Variants in RSU1 observed in about 807,000 individuals in gnomAD.
The protein encoded by RSU1 is rsu-1.
RSU1 carries 26 observed loss-of-function variants against 31.1 expected under a neutral mutation model. The observed-to-expected ratio is 0.84, with a 90% confidence interval of 0.61 to 1.16. The LOEUF is 1.16. RSU1 is among the 50% of genes most tolerant of loss of function. The pLI is 0.00. For synonymous variants in RSU1, 164 were observed against 136.3 expected, an observed-to-expected ratio of 1.20 and a Z score of -1.41; for missense variants, 320 against 339.1, an observed-to-expected ratio of 0.94 and a Z score of 0.44.
chr10:16,710,121 C>T (rs1835986949), intron 7 of RSU1, among the ~76,000 whole-genome samples: 1 of 152,154 alleles, frequency 6.6e-6, no homozygotes, highest in African/African-American at 2.4e-5. Flanking sequence ...AGCTTTTCCT[C>T]ATTCAGTATG....
At chr10:16,811,003 C>CA (rs11407080) in intron 2 of RSU1, among the ~76,000 whole-genome samples, 55,530 of 151,932 alleles carry the variant, frequency 0.37, 11,262 homozygotes, top group East Asian at 0.75. Context: ...GCCTGGGCAA[C>CA]AGAGTGAGAC....
chr10:16,663,779 C>G lies in RSU1; in HGVS notation c.731+31244G>C, dbSNP rs201545621. Among the ~76,000 whole-genome samples the G allele has an allele frequency of 3.9e-5, 6 of 152,330 alleles. No individual in the cohort carries two copies. The East Asian group carries it at 1.2e-3, about 29-fold the overall frequency. On this transcript the variant is annotated intron_variant, in intron 8 of 8. Coordinates refer to ENST00000345264, the MANE Select transcript of RSU1 (RefSeq NM_012425.4). ...GACGACAGTCTTTTCACTTTCACCTCAACTACAAAACTGTGGCTGAGCCAG... is the reference window on the plus strand; with the variant it reads ...GACGACAGTCTTTTCACTTTCACCTGAACTACAAAACTGTGGCTGAGCCAG...
chr10:16,808,432 G>A (rs149157000), intron 2 of RSU1, among the ~76,000 whole-genome samples: 283 of 148,608 alleles, frequency 1.9e-3, no homozygotes, highest in African/African-American at 4.6e-3. Context: ...TGCAGTGACC[G>A]TGATCATGCC....
intron 8 of RSU1, among the ~76,000 whole-genome samples, chr10:16,658,109 A>C (rs1047670124): frequency 2.0e-5 from 3 of 152,220 alleles, no homozygotes; most frequent in Non-Finnish European, 2.9e-5. Context: ...TTTCTCTCTC[A>C]AACATGGAGA....
intron 7 of RSU1, among the ~76,000 whole-genome samples, chr10:16,702,081 G>A (rs1020519026): frequency 6.6e-6 from 1 of 152,176 alleles, no homozygotes; most frequent in African/African-American, 2.4e-5. Context: ...AACTCTGGTG[G>A]ATCTGGCTCC....
chr10:16,705,996 C>T (rs193027952), intron 7 of RSU1, among the ~76,000 whole-genome samples: 5 of 152,088 alleles, frequency 3.3e-5, no homozygotes, highest in Non-Finnish European at 5.9e-5. Context: ...TCTGTGGATA[C>T]GAAGGGCCAA....
At position 16,752,386 on chromosome 10, in the gene RSU1, T is replaced by A. The variant is rs113303262; in HGVS notation, c.598+153A>T. 1.3e-3 allele frequency: 791 copies of A among 602,704 alleles called. 9 individuals carry two copies. The highest frequency in any genetic ancestry group is 0.012 in the African/African-American group (644 of 54,134). 37.3% of individuals were successfully genotyped at this position (602,704 alleles called of 1,614,324 possible). A position where few individuals can be genotyped will look rare whatever the true frequency, so the allele number is the denominator to read the frequency against. On this transcript the variant is annotated intron_variant, in intron 7 of 8. Transcript: ENST00000345264. ...AGGTCAAACCTGTAACAGCTAACTC[T>A]GGTCAATGACAAATGGTTCTCAAAT...
chr10:16,760,477 G>T (rs1031435332), intron 4 of RSU1, among the ~76,000 whole-genome samples: 2 of 150,304 alleles, frequency 1.3e-5, no homozygotes, highest in Non-Finnish European at 3.0e-5. Context: ...CCATTGCACT[G>T]GAGCCTGGGC....
At chr10:16,805,533 A>G (rs1325389640) in intron 2 of RSU1, among the ~76,000 whole-genome samples, 5 of 150,776 alleles carry the variant, frequency 3.3e-5, no homozygotes, top group Non-Finnish European at 7.4e-5. Flanking sequence ...AAAGTTAGCC[A>G]GGCGTTGTGG....
At chr10:16,781,340 T>C (rs1328345158) in intron 3 of RSU1, among the ~76,000 whole-genome samples, 1 of 152,166 alleles carries the variant, frequency 6.6e-6, no homozygotes, top group African/African-American at 2.4e-5. Flanking sequence ...ACTGTGGGGC[T>C]CTATGGATAC....
chr10:16,753,491 G>C lies in RSU1; in HGVS notation c.401-491C>G, dbSNP rs562563964. Among the ~76,000 whole-genome samples, 21 of 152,244 alleles carry C rather than the reference G, an allele frequency of 1.4e-4. No homozygotes were observed. In the South Asian group the frequency reaches 3.1e-3, roughly 23 times the overall value. The stretch of plus-strand genomic sequence containing the variant: ...TAATGGAAGGCTTTCTGGTGATGGA[G>C]GCTATAACCACAGCTCATCAGTTCC... On this transcript the variant is annotated intron_variant, in intron 5 of 8. Transcript: ENST00000345264.
intron 8 of RSU1, among the ~76,000 whole-genome samples, chr10:16,682,276 G>C (rs536564921): frequency 2.2e-4 from 33 of 152,238 alleles, no homozygotes; most frequent in African/African-American, 7.7e-4. Context: ...GCTGGGACCT[G>C]CTGGGCTGCA....
At chr10:16,789,979 T>C (rs527895926) in intron 2 of RSU1, among the ~76,000 whole-genome samples, 1 of 152,328 alleles carries the variant, frequency 6.6e-6, no homozygotes, top group African/African-American at 2.4e-5. Flanking sequence ...GAATGTTATT[T>C]AGGTGAACGT....
chr10:16,761,957 TGC>T (rs1837218845), intron 4 of RSU1, among the ~76,000 whole-genome samples: 1 of 152,174 alleles, frequency 6.6e-6, no homozygotes, highest in African/African-American at 2.4e-5. Flanking sequence ...TCGGCTCCTG[TGC>T]TCCCTGCTGT....
chr10:16,799,506 AAACAACAAC>A (rs57657837), intron 2 of RSU1, among the ~76,000 whole-genome samples: 2 of 151,602 alleles, frequency 1.3e-5, no homozygotes, highest in African/African-American at 4.9e-5. Flanking sequence ...GAGAGATTAA[AAACAACAAC>A]AACAACAACA....
In RSU1 at chr10:16,811,582, G is replaced by A. The variant is rs1443012490; in HGVS notation, c.109+5391C>T. The stretch of plus-strand genomic sequence containing the variant: ...GGGCCACTAGAGCCAGAATGTCAGA[G>A]GACTGACAAAAAGTCAAATGCCATT... On this transcript the variant is annotated intron_variant, in intron 2 of 8. Coordinates refer to ENST00000345264, the MANE Select transcript of RSU1 (RefSeq NM_012425.4). Among the ~76,000 whole-genome samples, 4 of 152,180 alleles carry A rather than the reference G, an allele frequency of 2.6e-5. No individual in the cohort carries two copies. The East Asian group carries it at 5.8e-4, about 22-fold the overall frequency.
intron 8 of RSU1, among the ~76,000 whole-genome samples, chr10:16,645,607 G>A (rs1042459963): frequency 2.0e-5 from 3 of 151,604 alleles, no homozygotes; most frequent in African/African-American, 7.3e-5. Flanking sequence ...CAGGAGTTCA[G>A]GACCAGGCTG....
At chr10:16,741,011 C>T (rs1423897534) in intron 7 of RSU1, among the ~76,000 whole-genome samples, 1 of 152,092 alleles carries the variant, frequency 6.6e-6, no homozygotes, top group Non-Finnish European at 1.5e-5. Context: ...CTAAAACAAT[C>T]TTGAAAAAGA....
chr10:16,697,709 G>A (rs1019602821), intron 7 of RSU1, among the ~76,000 whole-genome samples: 1 of 150,820 alleles, frequency 6.6e-6, no homozygotes, highest in East Asian at 1.9e-4. Context: ...CAAAGTAGAT[G>A]AAAAAAAAGC....
Sources: allele counts gnomAD v4.1 joint callset (sites outside exome capture counted in the v4.1 genomes callset), GRCh38; gene constraint gnomAD v4.1.1; transcripts MANE v1.5; gene names NCBI Gene and HGNC (gene_info 2026-07-23, HGNC 2026-07-21).